Variants in SKA3 observed in about 807,000 individuals in gnomAD.
SKA3 encodes the protein spindle and kinetochore associated complex subunit 3, also known as spindle and kinetochore-associated protein 3.
Under a neutral mutation model 44.2 loss-of-function variants are expected in SKA3, and 39 were observed. The ratio of observed to expected loss-of-function variants is 0.88; its 90% CI spans 0.68 to 1.15. The LOEUF is 1.15. Among genes scored for constraint, SKA3 ranks in the 50% most tolerant of loss-of-function variants. SKA3 has a pLI of 0.00. For missense variants in SKA3, 511 were observed against 485.8 expected (o/e 1.05, Z -0.49); for synonymous variants, 192 against 172.0 (o/e 1.12, Z -0.91).
chr13:21,173,588 GT>G (rs1194096375), intron 1 of SKA3, among the ~76,000 whole-genome samples: 1 of 148,500 alleles, frequency 6.7e-6, no homozygotes, highest in Non-Finnish European at 1.5e-5. Flanking sequence ...CCATGAAGTA[GT>G]TTTGTCACTT....
At chr13:21,170,443 G>A (rs922483971) in intron 3 of SKA3, among the ~76,000 whole-genome samples, 4 of 152,136 alleles carry the variant, frequency 2.6e-5, no homozygotes, top group African/African-American at 9.7e-5. Context: ...GCCTCCCAAA[G>A]TGCTGGGATT....
intron 3 of SKA3, among the ~76,000 whole-genome samples, chr13:21,170,788 T>G (rs1237438478): frequency 6.6e-6 from 1 of 152,194 alleles, no homozygotes; most frequent in African/African-American, 2.4e-5. Flanking sequence ...TTAGAGAAAT[T>G]ACCCAAGGTC....
intron 2 of SKA3, 22 bp from the exon 3 acceptor site, chr13:21,172,526 C>A: frequency 6.5e-7 from 1 of 1,537,078 alleles, no homozygotes; most frequent in Admixed American, 2.2e-5. Context: ...AAAGAAAGTA[C>A]ATTTTAATTT....
chr13:21,171,521 G>A (rs912292851), intron 3 of SKA3, among the ~76,000 whole-genome samples: 2 of 150,616 alleles, frequency 1.3e-5, no homozygotes, highest in Admixed American at 6.6e-5. Context: ...AGCTTGCAGT[G>A]AGCCGAGATC....
At chr13:21,158,210 T>TG in intron 6 of SKA3, 85 bp from the exon 7 acceptor site, 1 of 759,598 alleles carries the variant, frequency 1.3e-6, no homozygotes, top group African/African-American at 1.7e-5. Context: ...TTACTTCTAT[T>TG]GGGGTCTCTA....
At chr13:21,173,540 A>G in intron 1 of SKA3, among the ~76,000 whole-genome samples, 1 of 152,224 alleles carries the variant, frequency 6.6e-6, no homozygotes. Context: ...TATAGGCGTG[A>G]GCCACTGCAC....
intron 3 of SKA3, among the ~76,000 whole-genome samples, chr13:21,170,070 TAA>T (rs1440329115): frequency 6.6e-6 from 1 of 152,136 alleles, no homozygotes; most frequent in African/African-American, 2.4e-5. Context: ...TATATAAAGA[TAA>T]GTTTGTATCC....
Position 21,158,204 on chromosome 13 carries a change from T to C in SKA3, c.916-79A>G. On this transcript the variant is annotated intron_variant, in intron 6 of 8. Coordinates refer to ENST00000314759, the MANE Select transcript of SKA3 (RefSeq NM_145061.6). ...ATAAAAATAGTTAATCATTTGTTAC[T>C]TCTATTGGGGTCTCTAATAGGCTCC... 4.0e-6 allele frequency: 4 copies of C among 994,562 alleles called. No individual in the cohort carries two copies. The Middle Eastern group carries it at 9.8e-4, about 243-fold the overall frequency. 61.6% of individuals were successfully genotyped at this position (994,562 alleles called of 1,614,324 possible).
At position 21,154,719 on chromosome 13, in the gene SKA3, T is replaced by G. The variant is rs1358953514; in HGVS notation, c.*431A>C. 1.7e-5 allele frequency: 4 copies of G among 232,656 alleles called. No individual in the cohort carries two copies. The South Asian group carries it at 2.1e-4, about 12-fold the overall frequency. The allele number at this position is 232,656 out of a possible 1,614,324, so 14.4% of individuals were successfully genotyped here. A position where few individuals can be genotyped will look rare whatever the true frequency, so the allele number is the denominator to read the frequency against. On this transcript the variant is annotated 3_prime_UTR_variant, in exon 9 of 9. Transcript: ENST00000314759. ...GCATCTTCAGACAGCACTGAGCAAG[T>G]AAAAGGTGTGGGACGGTCCTGAAAG...
chr13:21,174,182 A>G (rs559067331), intron 1 of SKA3, among the ~76,000 whole-genome samples: 3 of 152,348 alleles, frequency 2.0e-5, no homozygotes, highest in African/African-American at 4.8e-5. Flanking sequence ...ACAGTGTGGC[A>G]ATTCCTCAAG....
At chr13:21,158,709 C>T (rs1870272381) in intron 6 of SKA3, among the ~76,000 whole-genome samples, 1 of 152,110 alleles carries the variant, frequency 6.6e-6, no homozygotes, top group South Asian at 2.1e-4. Context: ...ATACTCCCAC[C>T]CCATCTCAGG....
At chr13:21,162,262 G>A (rs1870482048) in intron 4 of SKA3, among the ~76,000 whole-genome samples, 1 of 152,108 alleles carries the variant, frequency 6.6e-6, no homozygotes, top group Admixed American at 6.6e-5. Flanking sequence ...GTTATAAAGA[G>A]AATATCACTG....
intron 3 of SKA3, 146 bp downstream of exon 3, chr13:21,172,193 G>A (rs1377336171): frequency 1.1e-5 from 6 of 538,842 alleles, no homozygotes; most frequent in East Asian, 3.1e-5. Context: ...ACCACACAGT[G>A]AGAGTTGACT....
intron 5 of SKA3, among the ~76,000 whole-genome samples, chr13:21,160,698 A>C (rs796194831): frequency 6.6e-6 from 1 of 152,176 alleles, no homozygotes; most frequent in African/African-American, 2.4e-5. Flanking sequence ...AAAAATGTGC[A>C]TGCCCTTTGA....
Position 21,154,147 on chromosome 13 carries a change from G to T in SKA3, c.*1003C>A, listed in dbSNP as rs1026794216. The T allele has an allele frequency of 3.9e-5, 6 of 152,164 alleles. No individual in the cohort carries two copies. Among genetic ancestry groups the T allele is most frequent in the Admixed American group, 2.0e-4 (3 of 15,276 alleles). 9.4% of individuals were successfully genotyped at this position (152,164 alleles called of 1,614,324 possible). On this transcript the variant is annotated 3_prime_UTR_variant, in exon 9 of 9. Coordinates refer to ENST00000314759, the MANE Select transcript of SKA3 (RefSeq NM_145061.6). ...TTTGAAGTAAGTTGACATAATACTT[G>T]TTGTTTCTTCTCAAATTTTTAATGG...
At chr13:21,174,971 A>G (rs9580014) in intron 1 of SKA3, among the ~76,000 whole-genome samples, 140,045 of 152,092 alleles carry the variant, frequency 0.92, 64,736 homozygotes, top group East Asian at 1. Context: ...ATTCCTGATG[A>G]CCATCTGAAG....
At chr13:21,168,695 T>A (rs149491605) in intron 3 of SKA3, among the ~76,000 whole-genome samples, 316 of 152,190 alleles carry the variant, frequency 2.1e-3, no homozygotes, top group African/African-American at 5.8e-3. Context: ...CAGCTAATTT[T>A]AAAAATTTTT....
At chr13:21,174,975 T>C (rs1299538551) in intron 1 of SKA3, among the ~76,000 whole-genome samples, 1 of 152,124 alleles carries the variant, frequency 6.6e-6, no homozygotes, top group Non-Finnish European at 1.5e-5. Flanking sequence ...CTGATGACCA[T>C]CTGAAGATAG....
At chr13:21,166,261 C>T (rs1334234125) in intron 4 of SKA3, among the ~76,000 whole-genome samples, 2 of 152,038 alleles carry the variant, frequency 1.3e-5, no homozygotes, top group African/African-American at 4.8e-5. Flanking sequence ...AAGCGATCCA[C>T]TGTGCCTGGC....
Sources: gnomAD v4.1 joint callset for allele counts (sites outside exome capture counted in the v4.1 genomes callset) on GRCh38, gnomAD v4.1.1 for gene constraint, MANE v1.5 for transcripts, NCBI Gene and HGNC (gene_info 2026-07-23, HGNC 2026-07-21) for gene names.